TESPA1: variants seen among roughly 807,000 people sequenced by gnomAD.
TESPA1 encodes thymocyte expressed, positive selection associated 1, also known as protein TESPA1.
Under a neutral mutation model 57.9 loss-of-function variants are expected in TESPA1, and 33 were observed. The ratio of observed to expected loss-of-function variants is 0.57; its 90% CI spans 0.43 to 0.76. TESPA1 has a LOEUF of 0.76. Among genes scored for constraint, TESPA1 ranks in the 30% least tolerant of loss-of-function variants. The pLI, the probability that TESPA1 is intolerant of heterozygous loss-of-function variation, is 0.00. For synonymous variants in TESPA1, 227 were observed against 228.9 expected (o/e 0.99, Z 0.07); for missense variants, 618 against 632.9 (o/e 0.98, Z 0.25).
intron 1 of TESPA1, among the ~76,000 whole-genome samples, chr12:54,977,865 A>G (rs1952189098): frequency 6.6e-6 from 1 of 152,246 alleles, no homozygotes; most frequent in Non-Finnish European, 1.5e-5. Flanking sequence ...TCCCAATCTC[A>G]GCAACACTTG....
intron 7 of TESPA1, among the ~76,000 whole-genome samples, chr12:54,964,339 G>A (rs999995561): frequency 2.0e-5 from 3 of 152,230 alleles, no homozygotes; most frequent in African/African-American, 4.8e-5. Context: ...AGTGGTTGTT[G>A]CGTGGGACAA....
At chr12:54,951,750 A>G (rs931487937) in intron 10 of TESPA1, among the ~76,000 whole-genome samples, 3 of 150,372 alleles carry the variant, frequency 2.0e-5, no homozygotes, top group African/African-American at 7.4e-5. Context: ...CTTGAGAGAA[A>G]CATCACTTGG....
chr12:54,956,440 A>T lies in TESPA1; in HGVS notation c.*1+4728T>A, dbSNP rs74092410. On this transcript the variant is annotated intron_variant, in intron 10 of 10. Transcript: ENST00000449076. ...AACTTTCTCCTTGGCTCTGCCGCTTATAAGTGTGATAAAGGTCAAGTGGTT... is the reference window on the plus strand; with the variant it reads ...AACTTTCTCCTTGGCTCTGCCGCTTTTAAGTGTGATAAAGGTCAAGTGGTT... 6.3e-3 allele frequency among the ~76,000 whole-genome samples: 954 copies of T among 152,350 alleles called. 14 individuals are homozygous for T. The highest frequency in any genetic ancestry group is 0.022 in the African/African-American group (911 of 41,584).
chr12:54,978,206 G>A (rs1032913881), intron 1 of TESPA1, among the ~76,000 whole-genome samples: 4 of 152,122 alleles, frequency 2.6e-5, no homozygotes, highest in African/African-American at 7.2e-5. Context: ...TAAGTCATTC[G>A]AAAACGTACA....
At chr12:54,979,499 C>G (rs1472550832) in intron 1 of TESPA1, among the ~76,000 whole-genome samples, 1 of 152,198 alleles carries the variant, frequency 6.6e-6, no homozygotes, top group Non-Finnish European at 1.5e-5. Flanking sequence ...CTCTTTTCTA[C>G]ATTTCTCTAG....
At chr12:54,971,694 C>G (rs1951838217) in intron 3 of TESPA1, among the ~76,000 whole-genome samples, 1 of 151,498 alleles carries the variant, frequency 6.6e-6, no homozygotes, top group Non-Finnish European at 1.5e-5. Flanking sequence ...ATATTTGCTT[C>G]GGAAAAAATA....
At chr12:54,964,527 T>G (rs1202357000) in intron 7 of TESPA1, among the ~76,000 whole-genome samples, 1 of 152,258 alleles carries the variant, frequency 6.6e-6, no homozygotes, top group Non-Finnish European at 1.5e-5. Flanking sequence ...GTGCACGCAC[T>G]CTCTCTTTAT....
intron 1 of TESPA1, among the ~76,000 whole-genome samples, chr12:54,982,282 T>C (rs1952349322): frequency 6.6e-6 from 1 of 152,214 alleles, no homozygotes; most frequent in Non-Finnish European, 1.5e-5. Context: ...AGTATAATAT[T>C]TGAGCATTCT....
At chr12:54,977,179 T>G (rs545337907) in intron 1 of TESPA1, among the ~76,000 whole-genome samples, 1 of 152,294 alleles carries the variant, frequency 6.6e-6, no homozygotes, top group African/African-American at 2.4e-5. Context: ...ACAGAAATTT[T>G]GGGTCATTTA....
At chr12:54,974,349 C>T in intron 2 of TESPA1, 51 bp downstream of exon 2, 2 of 1,501,438 alleles carry the variant, frequency 1.3e-6, no homozygotes, top group Non-Finnish European at 1.8e-6. Flanking sequence ...GGCCTGCTGT[C>T]ACCTTTTGCC....
At chr12:54,976,804 T>G (rs1952155089) in intron 1 of TESPA1, among the ~76,000 whole-genome samples, 1 of 152,204 alleles carries the variant, frequency 6.6e-6, no homozygotes, top group South Asian at 2.1e-4. Flanking sequence ...ACGTCCTCTG[T>G]GATATGAATC....
chr12:54,979,037 C>T (rs924265142), intron 1 of TESPA1, among the ~76,000 whole-genome samples: 16 of 152,206 alleles, frequency 1.1e-4, no homozygotes, highest in African/African-American at 3.9e-4. Context: ...CGTCATAGGA[C>T]GGGTGCTCCT....
At chr12:54,958,847 C>T (rs1271890315) in intron 10 of TESPA1, among the ~76,000 whole-genome samples, 1 of 152,120 alleles carries the variant, frequency 6.6e-6, no homozygotes, top group Admixed American at 6.6e-5. Context: ...CATTTTTTAT[C>T]TCTAGCATTT....
At chr12:54,980,912 A>G (rs1233701901) in intron 1 of TESPA1, among the ~76,000 whole-genome samples, 3 of 152,168 alleles carry the variant, frequency 2.0e-5, no homozygotes, top group East Asian at 1.9e-4. Flanking sequence ...TGCTTTCTGC[A>G]TATTTGTCCT....
rs1426775918 is a variant in TESPA1, at chr12:54,967,900, A to G, written c.207-8T>C. On this transcript the variant is annotated splice_region_variant and splice_polypyrimidine_tract_variant and intron_variant, in intron 3 of 10. Coordinates refer to ENST00000449076, the MANE Select transcript of TESPA1 (RefSeq NM_001136030.3). ...AATCCTTCTTCAGAGTATCTAAACC[A>G]AAAACAGTCTTATAGGTTGAAGTCA... 3 of 1,613,342 alleles carry G rather than the reference A, an allele frequency of 1.9e-6. No individual in the cohort carries two copies. In the African/African-American group the frequency reaches 4.0e-5, roughly 22 times the overall value.
chr12:54,961,839 T>G (rs565534325), intron 9 of TESPA1, among the ~76,000 whole-genome samples: 72 of 152,188 alleles, frequency 4.7e-4, no homozygotes, highest in Non-Finnish European at 7.6e-4. Flanking sequence ...AATGGCTCTT[T>G]GTGTAGGTGG....
In TESPA1 at chr12:54,962,859, G is replaced by A. The variant is rs938626019; in HGVS notation, c.1039C>T (p.Pro347Ser). 4 of 1,613,762 alleles carry A rather than the reference G, an allele frequency of 2.5e-6. No homozygotes were observed. The highest frequency in any genetic ancestry group is 3.3e-5 in the Admixed American group (2 of 60,012). Residue 347 changes from proline (P) to serine (S), a missense_variant, in exon 9 of 11, where the codon CCT becomes TCT. Coordinates refer to ENST00000449076, the MANE Select transcript of TESPA1 (RefSeq NM_001136030.3). ...GTGGGCAACTTCTTACCCTCAGCAG[G>A]GGGCACAGGATCTTCCTGTGAGAAT... ...GQFSQEDPVP[P>S]AEGKKLPTSP...
At chr12:54,961,394 G>A in intron 9 of TESPA1, 127 bp from the exon 10 acceptor site, 1 of 958,470 alleles carries the variant, frequency 1.0e-6, no homozygotes, top group East Asian at 2.4e-5. Flanking sequence ...CTTCTGTGGT[G>A]TCAGGGACAC....
intron 10 of TESPA1, among the ~76,000 whole-genome samples, chr12:54,958,810 C>G (rs1184990288): frequency 6.6e-6 from 1 of 152,152 alleles, no homozygotes; most frequent in African/African-American, 2.4e-5. Context: ...ATAAGCCCAT[C>G]AAAGGCATTC....
Sources: gnomAD v4.1 joint callset for allele counts (sites outside exome capture counted in the v4.1 genomes callset) on GRCh38, gnomAD v4.1.1 for gene constraint, MANE v1.5 for transcripts, NCBI Gene and HGNC (gene_info 2026-07-23, HGNC 2026-07-21) for gene names.